Variants in MYOM1 observed in about 807,000 individuals in gnomAD.
MYOM1 encodes the protein myomesin-1.
A neutral mutation model predicts 205.3 loss-of-function variants in MYOM1; 164 were observed. The ratio of observed to expected loss-of-function variants is 0.80; its 90% CI spans 0.70 to 0.91. The LOEUF (loss-of-function observed/expected upper bound fraction) is 0.91, where lower values mean the gene tolerates loss of function less well. Ranked by LOEUF, MYOM1 falls within the 40% of genes least tolerant of loss-of-function variation. MYOM1 has a pLI of 0.00. For synonymous variants in MYOM1, 772 were observed against 789.4 expected, an observed-to-expected ratio of 0.98 and a Z score of 0.37; for missense variants, 2,011 against 2,127.3, an observed-to-expected ratio of 0.95 and a Z score of 1.08.
At position 3,215,163 on chromosome 18, in the gene MYOM1, C is replaced by A. The variant is rs2081249423; in HGVS notation, c.61G>T (p.Asp21Tyr). ...TAGTGACTCACGGTGCTGCGCACGT[C>A]CTTGTTGCGGTAGCTGAGATCATAG... The part of the protein sequence containing the change: ...QHYDLSYRNK[D>Y]VRSTVSHYQR... The change falls in exon 2 of 38, where the codon GAC becomes TAC. Residue 21 changes from aspartate (D) to tyrosine (Y), a missense_variant. Physicochemically the swap from Asp to Tyr is radical, Grantham distance 160. Transcript: ENST00000356443. 6.2e-7 allele frequency: 1 copy of A among 1,613,494 alleles called. No individual in the cohort carries two copies.
At position 3,134,724 on chromosome 18, in the gene MYOM1, C is replaced by A. The variant is rs769216946; in HGVS notation, c.2310G>T (p.Gly770=). 3.1e-6 allele frequency: 5 copies of A among 1,613,834 alleles called. No individual in the cohort carries two copies. The highest frequency in any genetic ancestry group is 3.4e-6 in the Non-Finnish European group (4 of 1,179,888). ...EESKDAKELV[G]YYIEASVAGS... ...CAGCAACGCTCGCCTCTATGTAGTA[C>A]CCGACCAGCTCTTTGGCATCTTTGG... The change falls in exon 16 of 38, where the codon GGG becomes GGT. Residue 770 remains glycine (G), a synonymous_variant. Coordinates refer to ENST00000356443, the MANE Select transcript of MYOM1 (RefSeq NM_003803.4).
At chr18:3,074,659 A>C (rs1449109938) in intron 36 of MYOM1, among the ~76,000 whole-genome samples, 1 of 152,088 alleles carries the variant, frequency 6.6e-6, no homozygotes, top group Non-Finnish European at 1.5e-5. Context: ...CTTTGCTTGG[A>C]CTGTGTCTAG....
intron 22 of MYOM1, among the ~76,000 whole-genome samples, chr18:3,111,282 T>C (rs1347255812): frequency 7.2e-6 from 1 of 139,218 alleles, no homozygotes; most frequent in African/African-American, 2.7e-5. Context: ...AACTGAAATA[T>C]ATGATAACGT....
the MYOM1 span, among the ~76,000 whole-genome samples, chr18:3,242,129 C>T: frequency 6.6e-6 from 1 of 152,082 alleles, no homozygotes; most frequent in Non-Finnish European, 1.5e-5. Context: ...TGAAATAACA[C>T]TTTGGGGGGC....
At chr18:3,083,409 TTTTTTCTTTTTCTTTTTC>T (rs1426872790) in intron 33 of MYOM1, among the ~76,000 whole-genome samples, 1 of 128,826 alleles carries the variant, frequency 7.8e-6, no homozygotes, top group African/African-American at 3.7e-5. Flanking sequence ...CTTTCTTTTC[TTTTTTCTTTTTCTTTTTC>T]TTTTTTTTTT....
chr18:3,080,890 T>C (rs2143667297), intron 33 of MYOM1, among the ~76,000 whole-genome samples: 1 of 152,122 alleles, frequency 6.6e-6, no homozygotes, highest in South Asian at 2.1e-4. Flanking sequence ...TCCCAGTACT[T>C]TGGGAGGCCG....
At chr18:3,191,192 G>A (rs2080899603) in intron 3 of MYOM1, among the ~76,000 whole-genome samples, 1 of 152,100 alleles carries the variant, frequency 6.6e-6, no homozygotes, top group Admixed American at 6.6e-5. Flanking sequence ...GGTACTCTGC[G>A]AATCTCTGAC....
In MYOM1 at chr18:3,175,612, A is replaced by AT. The variant is rs1355023859; in HGVS notation, c.1022+429dup. Among the ~76,000 whole-genome samples the AT allele has an allele frequency of 2.0e-5, 3 of 152,308 alleles. No individual in the cohort carries two copies. In the South Asian group the frequency reaches 6.2e-4, roughly 32 times the overall value. ...TATCTCCAAGTTTAGCCCACATTCA[A>AT]TGCCACCTACCCGGATCTCCATGGC... On this transcript the variant is annotated intron_variant, in intron 6 of 37. Coordinates refer to ENST00000356443, the MANE Select transcript of MYOM1 (RefSeq NM_003803.4).
rs1598655265 is a variant in MYOM1, at chr18:3,084,981, T to A, written c.4339+64A>T. 14 of 1,242,402 alleles carry A rather than the reference T, an allele frequency of 1.1e-5. No individual in the cohort carries two copies. The East Asian group carries it at 3.8e-4, about 33-fold the overall frequency. The allele number at this position is 1,242,402 out of a possible 1,614,324, so 77.0% of individuals were successfully genotyped here. On this transcript the variant is annotated intron_variant, in intron 31 of 37. Transcript: ENST00000356443. The stretch of plus-strand genomic sequence containing the variant: ...ATTTCAATCGTCAGCTCGGCCTCAA[T>A]CATCATTCTGGTAAGCTGTATGCAG...
rs56880961 is a variant in MYOM1 at position 3,127,305 on chromosome 18, A to ATATATT, written c.2795-409_2795-408insAATATA. The stretch of plus-strand genomic sequence containing the variant: ...TCCATATATATATATATATATATAT[A>ATATATT]TTTTTTTTTTTTTTTTTTTTGAGCT... On this transcript the variant is annotated intron_variant, in intron 18 of 37. Transcript: ENST00000356443. 2.2e-3 allele frequency among the ~76,000 whole-genome samples: 106 copies of ATATATT among 47,562 alleles called. 1 individual carries two copies. The highest frequency in any genetic ancestry group is 5.3e-3 in the South Asian group (6 of 1,138). 31.2% of individuals were successfully genotyped at this position (47,562 alleles called of 152,430 possible).
intron 2 of MYOM1, among the ~76,000 whole-genome samples, chr18:3,197,687 C>A (rs979504116): frequency 2.6e-5 from 4 of 151,840 alleles, no homozygotes; most frequent in Admixed American, 1.3e-4. Context: ...TCCTAGCTAA[C>A]ATGGTGAAAC....
rs902684015 is a variant in MYOM1 at position 3,217,848 on chromosome 18, G to C, written c.-29+1955C>G. Among the ~76,000 whole-genome samples the C allele has an allele frequency of 2.6e-5, 4 of 151,922 alleles. 1 individual carries two copies. Among genetic ancestry groups the C allele is most frequent in the Non-Finnish European group, 1.5e-5 (1 of 67,988 alleles). On this transcript the variant is annotated intron_variant, in intron 1 of 37. Coordinates refer to ENST00000356443, the MANE Select transcript of MYOM1 (RefSeq NM_003803.4). ...AAAAATTTAAGATAAAATAAAATAA[G>C]TAAAATAAAGTCCTAGAACTGAACC...
chr18:3,183,679 G>C (rs1002084899), intron 5 of MYOM1, among the ~76,000 whole-genome samples: 1 of 152,124 alleles, frequency 6.6e-6, no homozygotes, highest in African/African-American at 2.4e-5. Flanking sequence ...TTCAGGAAGG[G>C]CATTCTCAAT....
chr18:3,113,995 G>A (rs1191939443), intron 21 of MYOM1, among the ~76,000 whole-genome samples: 1 of 152,142 alleles, frequency 6.6e-6, no homozygotes, highest in Non-Finnish European at 1.5e-5. Context: ...TGGCACTAAC[G>A]GATTTTTGAA....
chr18:3,129,452 C>A lies in MYOM1; in HGVS notation c.2574G>T (p.Arg858Ser). The A allele has an allele frequency of 6.2e-7, 1 of 1,613,910 alleles. No individual in the cohort carries two copies. Among genetic ancestry groups the A allele is most frequent in the Non-Finnish European group, 8.5e-7 (1 of 1,179,856 alleles). The change falls in exon 18 of 38, where the codon AGG (arginine) becomes AGT (serine). Residue 858 changes from arginine to serine, a missense_variant. Transcript: ENST00000356443. Reference protein sequence around the residue: ...SDEPGGLTASRGRVHEASPPT... With the variant: ...SDEPGGLTASSGRVHEASPPT... Reference sequence around the variant, plus strand: ...GCGGGGAGGCTTCATGCACGCGCCCCCTGGAGGCGGTTAGTCCACCAGGCT... The same window carrying A: ...GCGGGGAGGCTTCATGCACGCGCCCACTGGAGGCGGTTAGTCCACCAGGCT...
At chr18:3,120,975 T>A (rs1402936736) in intron 19 of MYOM1, among the ~76,000 whole-genome samples, 1 of 151,494 alleles carries the variant, frequency 6.6e-6, no homozygotes, top group Non-Finnish European at 1.5e-5. Context: ...AGATGGAAAA[T>A]ACAGTAAGAA....
At chr18:3,164,656 G>C (rs534014737) in intron 9 of MYOM1, among the ~76,000 whole-genome samples, 1 of 152,088 alleles carries the variant, frequency 6.6e-6, no homozygotes, top group Non-Finnish European at 1.5e-5. Flanking sequence ...ATCCGCAGGG[G>C]CCTCGTGTAA....
chr18:3,067,457 G>C lies in MYOM1; in HGVS notation c.4863C>G (p.Leu1621=). 1 of 1,613,836 alleles carries C rather than the reference G, an allele frequency of 6.2e-7. No homozygotes were observed. Among genetic ancestry groups the C allele is most frequent in the Non-Finnish European group, 8.5e-7 (1 of 1,179,916 alleles). The change falls in exon 38 of 38, where the codon CTC becomes CTG. Residue 1621 remains leucine, a synonymous_variant. Transcript: ENST00000356443. ...KALASDDHCN[L]KFEAGRTAYF... ...ACGCGGTCCTCCCAGCCTCGAACTT[G>C]AGGTTGCAGTGGTCGTCTGAGGCCA...
chr18:3,103,206 T>A (rs2079404670), intron 22 of MYOM1, among the ~76,000 whole-genome samples: 1 of 152,224 alleles, frequency 6.6e-6, no homozygotes, highest in African/African-American at 2.4e-5. Context: ...TGGAGAAATA[T>A]ATGGATGCCT....
Sources: gnomAD v4.1 joint callset for allele counts (sites outside exome capture counted in the v4.1 genomes callset) on GRCh38, gnomAD v4.1.1 for gene constraint, MANE v1.5 for transcripts, NCBI Gene and HGNC (gene_info 2026-07-23, HGNC 2026-07-21) for gene names.